The following KARS1 variants were observed in gnomAD, a reference collection of about 807,000 sequenced individuals.
KARS1 encodes the protein lysyl-tRNA synthetase 1.
In KARS1, 50 loss-of-function variants were observed where a neutral mutation model predicts 63.9. The observed-to-expected ratio is 0.78, with a 90% CI of 0.62 to 0.99. The LOEUF (loss-of-function observed/expected upper bound fraction) is 0.99, where lower values mean the gene tolerates loss of function less well. Ranked by LOEUF, KARS1 falls within the 50% of genes least tolerant of loss-of-function variation. The pLI is 0.00. For synonymous variants in KARS1, 320 were observed against 264.6 expected (o/e 1.21, Z -2.03); for missense variants, 816 against 754.5 (o/e 1.08, Z -0.95).
At chr16:75,633,156 T>C (rs906061418) in intron 7 of KARS1, among the ~76,000 whole-genome samples, 32 of 152,346 alleles carry the variant, frequency 2.1e-4, no homozygotes, top group African/African-American at 7.5e-4. Flanking sequence ...AAGCTTCTGT[T>C]GTTAATTCTA....
chr16:75,643,307 G>T (rs181722805), intron 1 of KARS1, among the ~76,000 whole-genome samples: 1 of 152,008 alleles, frequency 6.6e-6, no homozygotes, highest in African/African-American at 2.4e-5. Flanking sequence ...TCTGGCTTCA[G>T]GACACATCCT....
intron 1 of KARS1, among the ~76,000 whole-genome samples, chr16:75,646,099 A>G (rs2082280248): frequency 6.6e-6 from 1 of 152,244 alleles, no homozygotes; most frequent in South Asian, 2.1e-4. Context: ...GTAGCAGTCC[A>G]AAGACCAGGT....
At chr16:75,632,130 T>A (rs2082121518) in intron 7 of KARS1, among the ~76,000 whole-genome samples, 1 of 152,176 alleles carries the variant, frequency 6.6e-6, no homozygotes, top group African/African-American at 2.4e-5. Context: ...CCTCAGGTGA[T>A]CTGCCTGCCT....
At chr16:75,639,788 T>G (rs529190811) in intron 3 of KARS1, 54 of 168,458 alleles carry the variant, frequency 3.2e-4, no homozygotes, top group Admixed American at 8.7e-4. Context: ...GATTTTTTTT[T>G]TTTGTTTTTT....
At position 75,640,176 on chromosome 16, in the gene KARS1, G is replaced by C. The variant is rs1203703344; in HGVS notation, c.388+8C>G. 1.9e-6 allele frequency: 3 copies of C among 1,612,798 alleles called. No individual in the cohort carries two copies. Among genetic ancestry groups the C allele is most frequent in the Non-Finnish European group, 1.7e-6 (2 of 1,178,968 alleles). On this transcript the variant is annotated splice_region_variant and intron_variant, in intron 3 of 13. Transcript: ENST00000302445. ...GGAGTTCAGTGATTTGCCAGGGAGA[G>C]TTCCTACCTGCCACCTTTAAGGTGA...
At position 75,644,581 on chromosome 16, in the gene KARS1, A is replaced by T. The variant is rs1409879650; in HGVS notation, c.63-2858T>A. ...TTCTACTACCTTTTAGTCCCATTTAACTTAAGACTGTCTTAACTGATAGCA... is the reference window on the plus strand; with the variant it reads ...TTCTACTACCTTTTAGTCCCATTTATCTTAAGACTGTCTTAACTGATAGCA... On this transcript the variant is annotated intron_variant, in intron 1 of 13. Transcript: ENST00000302445. 3 of 619,094 alleles carry T rather than the reference A, an allele frequency of 4.8e-6. No individual in the cohort carries two copies. In the East Asian group the frequency reaches 8.5e-5, roughly 17 times the overall value. The allele number at this position is 619,094 out of a possible 1,614,324, so 38.4% of individuals were successfully genotyped here. A position where few individuals can be genotyped will look rare whatever the true frequency, so the allele number is the denominator to read the frequency against.
At chr16:75,635,876 C>G in intron 5 of KARS1, 36 bp downstream of exon 5, 1 of 1,613,736 alleles carries the variant, frequency 6.2e-7, no homozygotes, top group Non-Finnish European at 8.5e-7. Context: ...AAACAGAAAG[C>G]TAGGAGGCCA....
At chr16:75,640,065 A>C (rs2082206037) in intron 3 of KARS1, 119 bp downstream of exon 3, 1 of 827,368 alleles carries the variant, frequency 1.2e-6, no homozygotes. Flanking sequence ...GTCCTTAGTA[A>C]AGTAGCTTCA....
At chr16:75,629,601 GT>G (rs1400619515) in intron 11 of KARS1, 60 bp from the exon 12 acceptor site, 1 of 1,595,826 alleles carries the variant, frequency 6.3e-7, no homozygotes, top group Non-Finnish European at 8.6e-7. Flanking sequence ...GCTAAATTTT[GT>G]TTTTTCTTTT....
At chr16:75,642,130 T>G (rs572890028) in intron 1 of KARS1, among the ~76,000 whole-genome samples, 83 of 150,222 alleles carry the variant, frequency 5.5e-4, no homozygotes, top group Non-Finnish European at 9.8e-4. Context: ...GGACAGTGAC[T>G]GAATCTTAGT....
intron 10 of KARS1, among the ~76,000 whole-genome samples, chr16:75,630,913 G>T (rs1017388416): frequency 1.3e-5 from 2 of 152,180 alleles, no homozygotes; most frequent in African/African-American, 4.8e-5. Flanking sequence ...GGGATTACAG[G>T]TGTGAGCCAC....
chr16:75,635,585 T>C (rs746159710), intron 6 of KARS1, 95 bp downstream of exon 6: 1 of 1,382,196 alleles, frequency 7.2e-7, no homozygotes, highest in Non-Finnish European at 1.0e-6. Context: ...TGAAGGATCC[T>C]GACACAGGAT....
chr16:75,642,151 C>T (rs1349175261), intron 1 of KARS1, among the ~76,000 whole-genome samples: 1 of 145,150 alleles, frequency 6.9e-6, no homozygotes, highest in Non-Finnish European at 1.5e-5. Context: ...TGTTTAGTAT[C>T]CCCCTAGAAG....
chr16:75,636,359 A>T, intron 4 of KARS1, 95 bp downstream of exon 4: 2 of 909,036 alleles, frequency 2.2e-6, no homozygotes, highest in Non-Finnish European at 3.7e-6. Context: ...ACTCCTTCTT[A>T]CTCTAACTTC....
rs758988574 is a variant in KARS1, at chr16:75,635,724, T to C, written c.751A>G (p.Ile251Val). The change falls in exon 6 of 14, where the codon ATC (isoleucine) becomes GTC (valine). Residue 251 changes from isoleucine to valine, a missense_variant. By Grantham distance (29) the Ile-to-Val change is conservative. Coordinates refer to ENST00000302445, the MANE Select transcript of KARS1 (RefSeq NM_005548.3). ...RQKFIIRSKI[I>V]TYIRSFLDEL... is the part of the protein sequence containing the mutation. Reference sequence around the variant, plus strand: ...TCTAAGAAACTTCTTATATATGTGATGATCTTAGAGCGGATGATAAATTTC... The same window carrying C: ...TCTAAGAAACTTCTTATATATGTGACGATCTTAGAGCGGATGATAAATTTC... 5.6e-6 allele frequency: 9 copies of C among 1,614,142 alleles called. No homozygotes were observed. Among genetic ancestry groups the C allele is most frequent in the Non-Finnish European group, 1.7e-6 (2 of 1,179,948 alleles).
At chr16:75,643,767 G>A (rs1204756212) in intron 1 of KARS1, among the ~76,000 whole-genome samples, 1 of 152,216 alleles carries the variant, frequency 6.6e-6, no homozygotes, top group African/African-American at 2.4e-5. Context: ...TATAACATTT[G>A]TAAAGACAAC....
At chr16:75,636,227 G>A (rs1196708926) in intron 4 of KARS1, 129 bp from the exon 5 acceptor site, 4 of 720,466 alleles carry the variant, frequency 5.6e-6, no homozygotes, top group Non-Finnish European at 7.3e-6. Flanking sequence ...TCAGATTCAG[G>A]GGCCACTATT....
At chr16:75,641,989 T>G (rs1192069444) in intron 1 of KARS1, among the ~76,000 whole-genome samples, 1 of 152,064 alleles carries the variant, frequency 6.6e-6, no homozygotes, top group Non-Finnish European at 1.5e-5. Flanking sequence ...TCCTTGGCAT[T>G]AGGTCCCAAC....
At chr16:75,637,974 C>G (rs1024812796) in intron 3 of KARS1, among the ~76,000 whole-genome samples, 1 of 150,578 alleles carries the variant, frequency 6.6e-6, no homozygotes, top group African/African-American at 2.4e-5. Context: ...AAAAAACAAG[C>G]TGCAGTATTT....
Sources: allele counts gnomAD v4.1 joint callset (sites outside exome capture counted in the v4.1 genomes callset), GRCh38; gene constraint gnomAD v4.1.1; transcripts MANE v1.5; gene names NCBI Gene and HGNC (gene_info 2026-07-23, HGNC 2026-07-21).